Variants in PMS2 observed in about 807,000 individuals in gnomAD.
PMS2 encodes the protein mismatch repair endonuclease PMS2.
In PMS2, 69 loss-of-function variants were observed where a neutral mutation model predicts 90.0. That is an observed-to-expected ratio of 0.77 (90% CI 0.63 to 0.94). The LOEUF (loss-of-function observed/expected upper bound fraction) is 0.94, where lower values mean the gene tolerates loss of function less well. Among genes scored for constraint, PMS2 ranks in the 40% least tolerant of loss-of-function variants. The pLI is 0.00. For synonymous variants in PMS2, 332 were observed against 375.1 expected (o/e 0.89, Z 1.33); for missense variants, 966 against 1,040.2 (o/e 0.93, Z 0.98).
chr7:5,987,647 G>T lies in PMS2; in HGVS notation c.1145-27C>A. 6.8e-7 allele frequency: 1 copy of T among 1,463,946 alleles called. No homozygotes were observed. The highest frequency in any genetic ancestry group is 9.5e-7 in the Non-Finnish European group (1 of 1,052,786). 90.7% of individuals were successfully genotyped at this position (1,463,946 alleles called of 1,614,324 possible). ...TAAGCAAACGTGGACGGAGAAGAGG[G>T]TCAGGGACTATCCTGAAATGGTGAG... On this transcript the variant is annotated intron_variant, in intron 10 of 14. Coordinates refer to ENST00000265849, the MANE Select transcript of PMS2 (RefSeq NM_000535.7).
At chr7:6,005,069 T>TA (rs959387254) in intron 2 of PMS2, among the ~76,000 whole-genome samples, 1 of 152,014 alleles carries the variant, frequency 6.6e-6, no homozygotes, top group African/African-American at 2.4e-5. Flanking sequence ...CACATCTGGC[T>TA]AATTTTTGTA....
At chr7:6,003,536 G>A in intron 4 of PMS2, 154 bp downstream of exon 4, 1 of 632,606 alleles carries the variant, frequency 1.6e-6, no homozygotes, top group African/African-American at 1.8e-5. Flanking sequence ...CATTTCAGAA[G>A]TACTATGACT....
At chr7:6,005,515 T>A (rs1277304268) in intron 2 of PMS2, among the ~76,000 whole-genome samples, 1 of 152,210 alleles carries the variant, frequency 6.6e-6, no homozygotes, top group Non-Finnish European at 1.5e-5. Flanking sequence ...ACTTTATTTT[T>A]CAATAGAGAC....
At chr7:5,984,167 G>A (rs1397223976) in intron 11 of PMS2, among the ~76,000 whole-genome samples, 3 of 151,750 alleles carry the variant, frequency 2.0e-5, no homozygotes, top group Non-Finnish European at 2.9e-5. Context: ...ACTTCTTGAC[G>A]GGAAATCTGT....
At position 5,972,750 on chromosome 7, in the gene PMS2, A is replaced by G. The variant is rs187198918; in HGVS notation, c.*649T>C. Among the ~76,000 whole-genome samples, 8 of 98,296 alleles carry G rather than the reference A, an allele frequency of 8.1e-5. 3 individuals are homozygous for G. Among genetic ancestry groups the G allele is most frequent in the Admixed American group, 5.8e-4 (6 of 10,304 alleles). The allele number at this position is 98,296 out of a possible 152,430, so 64.5% of individuals were successfully genotyped here. ...TTAAACAAAGATGAATTTAATTATC[A>G]TTAAGGGTTGAAAGTTATAGACTAA... is the stretch of plus-strand genomic sequence containing the variant. On this transcript the variant is annotated 3_prime_UTR_variant, in exon 15 of 15. Transcript: ENST00000265849.
chr7:5,994,979 G>C (rs1225178940), intron 8 of PMS2, among the ~76,000 whole-genome samples: 2 of 152,008 alleles, frequency 1.3e-5, no homozygotes, highest in African/African-American at 4.8e-5. Flanking sequence ...ATAGGTACTT[G>C]AAGTATGGTA....
chr7:6,003,633 A>C, intron 4 of PMS2, 57 bp downstream of exon 4: 1 of 884,594 alleles, frequency 1.1e-6, no homozygotes. Context: ...GATTCCAATT[A>C]ATTTTCAGAG....
intron 3 of PMS2, 41 bp downstream of exon 3, chr7:6,003,931 A>G: frequency 7.2e-7 from 1 of 1,388,844 alleles, no homozygotes; most frequent in Non-Finnish European, 1.0e-6. Context: ...GAGACATGTG[A>G]CCCAATTATT....
intron 11 of PMS2, among the ~76,000 whole-genome samples, chr7:5,984,246 C>A (rs1782617938): frequency 6.6e-6 from 1 of 151,810 alleles, no homozygotes; most frequent in Non-Finnish European, 1.5e-5. Context: ...CAATCCTTCT[C>A]ATCTTTGCCA....
Position 6,005,913 on chromosome 7 carries a change from C to T in PMS2, c.142G>A (p.Asp48Asn), listed in dbSNP as rs755665894. The T allele has an allele frequency of 2.5e-6, 4 of 1,610,708 alleles. No individual in the cohort carries two copies. The highest frequency in any genetic ancestry group is 3.4e-6 in the Non-Finnish European group (4 of 1,179,850). ...AVKELVENSLDAGATNIDLKL... is the reference protein window; with the variant it reads ...AVKELVENSLNAGATNIDLKL... ...TTACCAATATTAGTGGCACCAGCAT[C>T]CAGACTGTTTTCTACTAACTCCTTT... The change falls in exon 2 of 15, where the codon GAT becomes AAT. Residue 48 changes from aspartate (D) to asparagine (N), a missense_variant. By Grantham distance (23) the Asp-to-Asn change is conservative. Coordinates refer to ENST00000265849, the MANE Select transcript of PMS2 (RefSeq NM_000535.7).
At chr7:5,985,264 A>AT (rs142453627) in intron 11 of PMS2, among the ~76,000 whole-genome samples, 26,497 of 116,752 alleles carry the variant, frequency 0.23, 3,530 homozygotes, top group African/African-American at 0.26. Flanking sequence ...TACTTAGCTA[A>AT]TTTTTTTTTT....
chr7:5,983,777 G>A (rs375090401), intron 11 of PMS2, among the ~76,000 whole-genome samples: 2 of 151,212 alleles, frequency 1.3e-5, no homozygotes, highest in Admixed American at 6.6e-5. Flanking sequence ...TCAGCCTCCC[G>A]AGTAGCTGGG....
rs989130272 is a variant in PMS2, at chr7:5,989,831, A to G, written c.1113T>C (p.Asn371=). The change falls in exon 10 of 15, where the codon AAT becomes AAC. Residue 371 remains asparagine (N), a synonymous_variant. Transcript: ENST00000265849. ...CATCCAGCAGTGGCTGCTGACTGAC[A>G]TTTAGCTTGTTGACATCACTATCAA... ...GMFDSDVNKL[N]VSQQPLLDVE... is the part of the protein sequence containing the mutation. 1 of 1,613,158 alleles carries G rather than the reference A, an allele frequency of 6.2e-7. No individual in the cohort carries two copies. The highest frequency in any genetic ancestry group is 1.3e-5 in the African/African-American group (1 of 74,922).
At chr7:6,009,055 A>G (rs1194574453), upstream of PMS2, 1 of 1,611,142 alleles carries the variant, frequency 6.2e-7, no homozygotes, top group South Asian at 1.1e-5. Context: ...GGACTGGGAA[A>G]GTTCCCTCCA....
At chr7:5,998,092 T>G (rs74189692) in intron 6 of PMS2, among the ~76,000 whole-genome samples, 51,697 of 150,076 alleles carry the variant, frequency 0.34, 9,684 homozygotes, top group Non-Finnish European at 0.42. Context: ...TTTTTTTTTT[T>G]TTTTCCTGGG....
Position 5,995,183 on chromosome 7 carries a change from G to A in PMS2, c.903+351C>T, listed in dbSNP as rs971101132. 5.9e-5 allele frequency among the ~76,000 whole-genome samples: 9 copies of A among 151,972 alleles called. 1 individual carries two copies. Among genetic ancestry groups the A allele is most frequent in the African/African-American group, 1.9e-4 (8 of 41,372 alleles). On this transcript the variant is annotated intron_variant, in intron 8 of 14. Transcript: ENST00000265849. ...CTCCCATGTAGCTGGGATTACAGGC[G>A]TGGAACACCATGCCTGGTTATTTTT...
Position 5,987,411 on chromosome 7 carries a change from C to T in PMS2, c.1354G>A (p.Gly452Ser), listed in dbSNP as rs569947936. 4.3e-6 allele frequency: 7 copies of T among 1,614,018 alleles called. No homozygotes were observed. The Admixed American group carries it at 1.2e-4, about 27-fold the overall frequency. The change falls in exon 11 of 15, where the codon GGT (glycine) becomes AGT (serine). Residue 452 changes from glycine to serine, a missense_variant. By Grantham distance (56) the Gly-to-Ser change is moderately conservative. This residue lies in a region of PMS2 where 871 missense variants were observed against 802.4 expected (regional missense o/e 1.09). Coordinates refer to ENST00000265849, the MANE Select transcript of PMS2 (RefSeq NM_000535.7). ...CCTGAAGTGCTAGAAGACAGCATACCCCTTTTCTGTCCTAGAGGGCTCCTT... is the reference window on the plus strand; with the variant it reads ...CCTGAAGTGCTAGAAGACAGCATACTCCTTTTCTGTCCTAGAGGGCTCCTT... Reference protein sequence around the residue: ...PRRSPLGQKRGMLSSSTSGAI... With the variant: ...PRRSPLGQKRSMLSSSTSGAI...
intron 14 of PMS2, among the ~76,000 whole-genome samples, chr7:5,975,567 T>C (rs1397182886): frequency 2.5e-5 from 1 of 39,856 alleles, no homozygotes; most frequent in Non-Finnish European, 5.0e-5. Context: ...GACAAGGTCT[T>C]ACTCTGTCAC....
At chr7:5,995,719 T>A (rs1784327757) in intron 7 of PMS2, 86 bp from the exon 8 acceptor site, 1 of 959,354 alleles carries the variant, frequency 1.0e-6, no homozygotes, top group African/African-American at 1.6e-5. Flanking sequence ...TAAAGTGAAA[T>A]GAAAACAAAA....
Sources: gnomAD v4.1 joint callset for allele counts (sites outside exome capture counted in the v4.1 genomes callset) on GRCh38, gnomAD v4.1.1 for gene constraint, gnomAD v4.1.1 regional missense constraint, MANE v1.5 for transcripts, NCBI Gene and HGNC (gene_info 2026-07-23, HGNC 2026-07-21) for gene names.